The following SMC2 variants were observed in gnomAD, a reference collection of about 807,000 sequenced individuals.
SMC2 encodes the protein structural maintenance of chromosomes 2, also known as structural maintenance of chromosomes protein 2.
Under a neutral mutation model 142.6 loss-of-function variants are expected in SMC2, and 41 were observed. That is an observed-to-expected ratio of 0.29 (90% CI 0.22 to 0.37). SMC2 has a LOEUF of 0.37. Ranked by LOEUF, SMC2 falls within the 10% of genes least tolerant of loss-of-function variation. The probability of loss-of-function intolerance (pLI) is 1.00; values close to 1 mark genes in which losing one functional copy is unlikely to be tolerated. For synonymous variants in SMC2, 463 were observed against 457.5 expected (o/e 1.01, Z -0.15); for missense variants, 1,265 against 1,373.7 (o/e 0.92, Z 1.25).
In SMC2 at chr9:104,110,136, C is replaced by T. The variant is rs141981096; in HGVS notation, c.1021-1445C>T. Among the ~76,000 whole-genome samples the T allele has an allele frequency of 8.5e-5, 13 of 152,242 alleles. No individual in the cohort carries two copies. In the East Asian group the frequency reaches 2.5e-3, roughly 29 times the overall value. On this transcript the variant is annotated intron_variant, in intron 9 of 24. Coordinates refer to ENST00000374793, the MANE Select transcript of SMC2 (RefSeq NM_006444.3). Reference sequence around the variant, plus strand: ...TGTGGTTCTCGTGTATTTTTCATCACGTTTAATGCAGTACCATAAACCCGA... The same window carrying T: ...TGTGGTTCTCGTGTATTTTTCATCATGTTTAATGCAGTACCATAAACCCGA...
intron 9 of SMC2, among the ~76,000 whole-genome samples, chr9:104,105,712 T>G (rs1831685295): frequency 6.6e-5 from 10 of 152,132 alleles, no homozygotes. Flanking sequence ...TGTCCTCTCA[T>G]GTAAGCCAGG....
intron 3 of SMC2, 132 bp from the exon 4 acceptor site, chr9:104,098,314 A>T: frequency 1.5e-6 from 1 of 654,648 alleles, no homozygotes; most frequent in Non-Finnish European, 2.4e-6. Flanking sequence ...TACTTGTTCC[A>T]CTATTTATGC....
In SMC2 at chr9:104,124,140, G is replaced by A. The variant is rs146441013; in HGVS notation, c.2258-772G>A. On this transcript the variant is annotated intron_variant, in intron 17 of 24. Transcript: ENST00000374793. ...CGGAGTCTCTCTCTGTCCCCAGGCT[G>A]GAGTGCAGTGGCGCAATCTCAGCTC... 3.2e-3 allele frequency among the ~76,000 whole-genome samples: 488 copies of A among 152,248 alleles called. 4 individuals are homozygous for A. Among genetic ancestry groups the A allele is most frequent in the African/African-American group, 0.011 (471 of 41,536 alleles).
intron 10 of SMC2, 40 bp from the exon 11 acceptor site, chr9:104,113,276 C>T (rs1291712394): frequency 2.0e-6 from 3 of 1,521,746 alleles, no homozygotes; most frequent in Admixed American, 4.1e-5. Context: ...GCACTGTCTG[C>T]CTCATACATC....
rs1437243775 is a variant in SMC2 at position 104,111,623 on chromosome 9, A to G, written c.1063A>G (p.Ile355Val). 1 of 1,614,040 alleles carries G rather than the reference A, an allele frequency of 6.2e-7. No homozygotes were observed. Among genetic ancestry groups the G allele is most frequent in the Admixed American group, 1.7e-5 (1 of 60,026 alleles). ...AGCAAAGGAAAAAGAGGTTAAAAAG[A>G]TAACAGATGGACTGCATGCCCTTCA... Reference protein sequence around the residue: ...LAAKEKEVKKITDGLHALQEA... With the variant: ...LAAKEKEVKKVTDGLHALQEA... Residue 355 changes from isoleucine (I) to valine (V), a missense_variant, in exon 10 of 25, where the codon ATA becomes GTA. By Grantham distance (29) the Ile-to-Val change is conservative. This residue lies in a region of SMC2 where 898 missense variants were observed against 904.2 expected (regional missense o/e 0.99). Transcript: ENST00000374793.
In SMC2 at chr9:104,116,317, C is replaced by G. The variant is rs1258112782; in HGVS notation, c.1789C>G (p.Leu597Val). The G allele has an allele frequency of 1.2e-6, 2 of 1,600,988 alleles. No homozygotes were observed. Among genetic ancestry groups the G allele is most frequent in the Non-Finnish European group, 1.7e-6 (2 of 1,175,852 alleles). The stretch of plus-strand genomic sequence containing the variant: ...AGAAACTCTGAGAGTTGCTCAGAAT[C>G]TTGTAAGTCTCATTTTGTCTTATTT... Reference protein sequence around the residue: ...APETLRVAQNLVGPDNVHVAL... With the variant: ...APETLRVAQNVVGPDNVHVAL... The change falls in exon 14 of 25, where the codon CTT (leucine) becomes GTT (valine). Residue 597 changes from leucine to valine, a missense_variant and splice_region_variant. Leu to Val is a conservative substitution (Grantham distance 32, BLOSUM62 1). Coordinates refer to ENST00000374793, the MANE Select transcript of SMC2 (RefSeq NM_006444.3).
At chr9:104,121,652 G>GGTAT (rs1165365287) in intron 16 of SMC2, among the ~76,000 whole-genome samples, 1 of 151,944 alleles carries the variant, frequency 6.6e-6, no homozygotes, top group Non-Finnish European at 1.5e-5. Context: ...ATTATTTTTG[G>GGTAT]GTATGTTTTT....
At chr9:104,131,975 A>G (rs184314124) in intron 21 of SMC2, 34 bp from the exon 22 acceptor site, 1 of 1,072,838 alleles carries the variant, frequency 9.3e-7, no homozygotes, top group Non-Finnish European at 1.4e-6. Flanking sequence ...GAGATTTTAT[A>G]TTTTCCCAGT....
chr9:104,101,350 A>T (rs189536431), intron 7 of SMC2, among the ~76,000 whole-genome samples: 73 of 152,292 alleles, frequency 4.8e-4, no homozygotes, highest in Non-Finnish European at 8.8e-4. Context: ...TACTGGAAAA[A>T]TTGTAATCTT....
chr9:104,107,625 G>C (rs1244274236), intron 9 of SMC2, among the ~76,000 whole-genome samples: 3 of 152,238 alleles, frequency 2.0e-5, no homozygotes, highest in Non-Finnish European at 4.4e-5. Flanking sequence ...AGACCTACCA[G>C]CTGTGGGGCT....
intron 16 of SMC2, 130 bp from the exon 17 acceptor site, chr9:104,122,978 G>A: frequency 2.3e-6 from 2 of 875,632 alleles, no homozygotes; most frequent in Non-Finnish European, 3.2e-6. Context: ...AATTATTCCT[G>A]TAACCAGTAG....
At chr9:104,128,351 G>A (rs1450578911) in intron 20 of SMC2, among the ~76,000 whole-genome samples, 1 of 152,122 alleles carries the variant, frequency 6.6e-6, no homozygotes, top group Non-Finnish European at 1.5e-5. Context: ...TGGACTGACT[G>A]AAATACTACC....
chr9:104,113,462 G>T lies in SMC2; in HGVS notation c.1401G>T (p.Lys467Asn), dbSNP rs369822773. ...LKEKLEAEMKKLNYEENKEES... is the reference protein window; with the variant it reads ...LKEKLEAEMKNLNYEENKEES... ...AAAAACTTGAAGCTGAAATGAAAAA[G>T]CTAAATTATGAAGGTTTGCCTTTAA... The change falls in exon 11 of 25, where the codon AAG (lysine) becomes AAT (asparagine). Residue 467 changes from lysine to asparagine, a missense_variant. Transcript: ENST00000374793. The T allele has an allele frequency of 5.6e-6, 9 of 1,600,084 alleles. No individual in the cohort carries two copies. In the African/African-American group the frequency reaches 1.2e-4, roughly 22 times the overall value.
rs541366321 is a variant in SMC2 at position 104,140,062 on chromosome 9, A to C, written c.*747A>C. On this transcript the variant is annotated 3_prime_UTR_variant, in exon 25 of 25. Coordinates refer to ENST00000374793, the MANE Select transcript of SMC2 (RefSeq NM_006444.3). ...CTTAGGAGGTGTGTTGCGTGGTACT[A>C]TCTGCTGCAAATTTATCTGAAGTTT... is the stretch of plus-strand genomic sequence containing the variant. 2 of 152,016 alleles carry C rather than the reference A, an allele frequency of 1.3e-5. No homozygotes were observed. The highest frequency in any genetic ancestry group is 1.3e-4 in the Admixed American group (2 of 15,258). 9.4% of individuals were successfully genotyped at this position (152,016 alleles called of 1,614,324 possible). A position where few individuals can be genotyped will look rare whatever the true frequency, so the allele number is the denominator to read the frequency against.
In SMC2 at chr9:104,140,768, A is replaced by G. The variant is rs1335583143; in HGVS notation, c.*1453A>G. On this transcript the variant is annotated 3_prime_UTR_variant, in exon 25 of 25. Transcript: ENST00000374793. ...AATGTATTACAGACTGTGCCAAAAC[A>G]GTTACCAATTCACACTGTCAATATT... The G allele has an allele frequency of 6.6e-6, 1 of 152,610 alleles. No homozygotes were observed. The highest frequency in any genetic ancestry group is 1.5e-5 in the Non-Finnish European group (1 of 68,026). The allele number at this position is 152,610 out of a possible 1,614,324, so 9.5% of individuals were successfully genotyped here. A position where few individuals can be genotyped will look rare whatever the true frequency, so the allele number is the denominator to read the frequency against.
At chr9:104,102,984 A>G (rs941123541) in intron 9 of SMC2, among the ~76,000 whole-genome samples, 4 of 152,156 alleles carry the variant, frequency 2.6e-5, no homozygotes, top group Admixed American at 6.6e-5. Context: ...CCTGTTAGAC[A>G]TCTTGAGTAG....
At position 104,097,353 on chromosome 9, in the gene SMC2, G is replaced by A. The variant is rs200787572; in HGVS notation, c.318+1056G>A. Among the ~76,000 whole-genome samples the A allele has an allele frequency of 1.9e-4, 28 of 151,112 alleles. No homozygotes were observed. The East Asian group carries it at 2.9e-3, about 16-fold the overall frequency. ...AATCTCCTGACCTCATGATCTGCCCGCCTTGGCCTCCCAAAGTGCTAGGAT... is the reference window on the plus strand; with the variant it reads ...AATCTCCTGACCTCATGATCTGCCCACCTTGGCCTCCCAAAGTGCTAGGAT... On this transcript the variant is annotated intron_variant, in intron 3 of 24. Transcript: ENST00000374793.
chr9:104,131,332 T>C (rs1281438791), intron 21 of SMC2, among the ~76,000 whole-genome samples: 2 of 152,118 alleles, frequency 1.3e-5, no homozygotes, highest in East Asian at 3.9e-4. Context: ...AAAGACCATA[T>C]GGCCAGAACC....
chr9:104,128,142 G>T (rs993254227), intron 20 of SMC2, among the ~76,000 whole-genome samples: 6 of 152,004 alleles, frequency 3.9e-5, no homozygotes, highest in African/African-American at 1.4e-4. Flanking sequence ...TAACAGTTTG[G>T]CACCTTTTTA....
Sources: allele counts gnomAD v4.1 joint callset (sites outside exome capture counted in the v4.1 genomes callset), GRCh38; gene constraint gnomAD v4.1.1; regional missense constraint gnomAD v4.1.1; transcripts MANE v1.5; gene names NCBI Gene and HGNC (gene_info 2026-07-23, HGNC 2026-07-21).